The following EYS variants were observed in gnomAD, a reference collection of about 807,000 sequenced individuals.
The protein encoded by EYS is EGF-like photoreceptor maintenance factor.
Under a neutral mutation model 282.1 loss-of-function variants are expected in EYS, and 250 were observed. That is an observed-to-expected ratio of 0.89 (90% confidence interval 0.80 to 0.98). The LOEUF (loss-of-function observed/expected upper bound fraction) is 0.98. Ranked by LOEUF, EYS falls within the 50% of genes least tolerant of loss-of-function variation. EYS has a pLI of 0.00. For missense variants in EYS, 4,016 were observed against 3,709.0 expected, an observed-to-expected ratio of 1.08 and a Z score of -2.15; for synonymous variants, 1,355 against 1,282.9, an observed-to-expected ratio of 1.06 and a Z score of -1.20.
chr6:64,165,357 T>A (rs944498166), intron 31 of EYS, among the ~76,000 whole-genome samples: 1 of 152,094 alleles, frequency 6.6e-6, no homozygotes, highest in Non-Finnish European at 1.5e-5. Context: ...TCTATAATTT[T>A]AATAAGATTT....
intron 5 of EYS, among the ~76,000 whole-genome samples, chr6:65,479,338 T>C (rs546528318): frequency 1.3e-5 from 2 of 152,300 alleles, no homozygotes; most frequent in Non-Finnish European, 2.9e-5. Context: ...GACGAGTGGA[T>C]TCTAAGATTT....
rs1766657524 is a variant in EYS at position 65,506,455 on chromosome 6, CCTTTCTTTTTTTTTTT to C, written c.-332-10478_-332-10463del. ...CCTGAGGTTTACAATATCCTTCCTT[CCTTTCTTTTTTTTTTT>C]TTTTTTTTTTTTTTTTTTTTTTTTT... On this transcript the variant is annotated intron_variant, in intron 2 of 42. Coordinates refer to ENST00000503581, the MANE Select transcript of EYS (RefSeq NM_001142800.2). Among the ~76,000 whole-genome samples, 6 of 107,392 alleles carry C rather than the reference CCTTTCTTTTTTTTTTT, an allele frequency of 5.6e-5. 1 individual carries two copies. In the South Asian group the frequency reaches 1.7e-3, roughly 30 times the overall value. The allele number at this position is 107,392 out of a possible 152,430, so 70.5% of individuals were successfully genotyped here.
chr6:65,573,902 T>G (rs959736081), intron 2 of EYS, among the ~76,000 whole-genome samples: 1 of 152,142 alleles, frequency 6.6e-6, no homozygotes, highest in Non-Finnish European at 1.5e-5. Context: ...TGTAAGCCTC[T>G]ATGACCCAGG....
Position 65,434,535 on chromosome 6 carries a change from C to T in EYS, c.863-29168G>A, listed in dbSNP as rs551161889. Among the ~76,000 whole-genome samples the T allele has an allele frequency of 1.9e-3, 282 of 152,104 alleles. 2 individuals are homozygous for T. Among genetic ancestry groups the T allele is most frequent in the Admixed American group, 6.0e-3 (92 of 15,278 alleles). On this transcript the variant is annotated intron_variant, in intron 5 of 42. Coordinates refer to ENST00000503581, the MANE Select transcript of EYS (RefSeq NM_001142800.2). ...CGGGGTTTCACCATGTTAGCCAGGA[C>T]GGTTTCGATCTCCTCACCTTGTGAT... is the stretch of plus-strand genomic sequence containing the variant.
At chr6:65,422,070 A>T (rs1260753066) in intron 5 of EYS, among the ~76,000 whole-genome samples, 1 of 151,992 alleles carries the variant, frequency 6.6e-6, no homozygotes, top group African/African-American at 2.4e-5. Context: ...GGATTGCCAC[A>T]AACTTTCAAT....
intron 1 of EYS, among the ~76,000 whole-genome samples, chr6:65,647,594 A>G (rs1767496379): frequency 1.3e-5 from 2 of 152,212 alleles, no homozygotes; most frequent in Non-Finnish European, 2.9e-5. Context: ...ACCATTGCAG[A>G]CATTGGCTTT....
rs190771072 is a variant in EYS, at chr6:64,029,987, G to A, written c.6726-30804C>T. 2.0e-5 allele frequency among the ~76,000 whole-genome samples: 3 copies of A among 152,298 alleles called. No individual in the cohort carries two copies. The East Asian group carries it at 5.8e-4, about 29-fold the overall frequency. On this transcript the variant is annotated intron_variant, in intron 33 of 42. Coordinates refer to ENST00000503581, the MANE Select transcript of EYS (RefSeq NM_001142800.2). The stretch of plus-strand genomic sequence containing the variant: ...TGCACACAATGCAAAAACACAAGGA[G>A]GTGGCACTCTTACACTGCCAAAGCA...
intron 1 of EYS, among the ~76,000 whole-genome samples, chr6:65,685,072 C>T (rs924196561): frequency 1.5e-4 from 23 of 151,860 alleles, no homozygotes; most frequent in Middle Eastern, 3.2e-3. Context: ...TGTAGTCCAA[C>T]CTATAATAGG....
At position 63,720,796 on chromosome 6, in the gene EYS, G is replaced by A; in HGVS notation, c.9235C>T (p.Leu3079=). Residue 3079 remains leucine (L), a synonymous_variant, in exon 43 of 43, where the codon CTA becomes TTA. Transcript: ENST00000503581. ...AGATAACAAATGCCATCATAGTTTA[G>A]AGCCACAAAGTTTTTATGTGGATCA... is the stretch of plus-strand genomic sequence containing the variant. ...DIDPHKNFVA[L]NYDGICYLGG... The A allele has an allele frequency of 6.4e-7, 1 of 1,550,918 alleles. No individual in the cohort carries two copies. Among genetic ancestry groups the A allele is most frequent in the South Asian group, 1.2e-5 (1 of 84,028 alleles).
intron 22 of EYS, among the ~76,000 whole-genome samples, chr6:64,661,960 A>G (rs1236737246): frequency 1.3e-5 from 2 of 151,598 alleles, no homozygotes. Context: ...ACTATTCACA[A>G]TAGCAAAGAC....
chr6:64,152,767 A>G (rs2150295582), intron 31 of EYS, among the ~76,000 whole-genome samples: 1 of 152,342 alleles, frequency 6.6e-6, no homozygotes, highest in South Asian at 2.1e-4. Flanking sequence ...TTTTCACAAT[A>G]TCTTTGACTA....
chr6:64,317,361 T>C lies in EYS; in HGVS notation c.6079-10279A>G, dbSNP rs372508388. 4.8e-5 allele frequency among the ~76,000 whole-genome samples: 7 copies of C among 146,964 alleles called. No homozygotes were observed. The East Asian group carries it at 1.4e-3, about 29-fold the overall frequency. On this transcript the variant is annotated intron_variant, in intron 29 of 42. Coordinates refer to ENST00000503581, the MANE Select transcript of EYS (RefSeq NM_001142800.2). ...AAGAAAAAAAAAAAACATCAAAAAG[T>C]AGGCACAGGATATGAACAGACAATT...
Position 64,590,727 on chromosome 6 carries a change from T to G in EYS, c.5140A>C (p.Thr1714Pro), listed in dbSNP as rs201916371. The G allele has an allele frequency of 7.9e-5, 123 of 1,551,056 alleles. No individual in the cohort carries two copies. The Admixed American group carries it at 1.4e-3, about 18-fold the overall frequency. The stretch of plus-strand genomic sequence containing the variant: ...AAGCTCTCTTGATTTAGTACCTCAG[T>G]GGGTCCCATAGTTATGCCATATTGT... Reference protein sequence around the residue: ...IRQYGITMGPTEVLNQESLLD... With the variant: ...IRQYGITMGPPEVLNQESLLD... Residue 1714 changes from threonine (T) to proline (P), a missense_variant, in exon 26 of 43, where the codon ACT becomes CCT. Thr to Pro is a conservative substitution (Grantham distance 38, BLOSUM62 -1). Coordinates refer to ENST00000503581, the MANE Select transcript of EYS (RefSeq NM_001142800.2).
At chr6:64,356,253 G>A (rs980303257) in intron 29 of EYS, among the ~76,000 whole-genome samples, 1 of 151,274 alleles carries the variant, frequency 6.6e-6, no homozygotes, top group Admixed American at 6.6e-5. Flanking sequence ...TATTTATGGG[G>A]TGCATGAGAT....
At chr6:64,230,298 A>G (rs910165230) in intron 31 of EYS, among the ~76,000 whole-genome samples, 1 of 152,214 alleles carries the variant, frequency 6.6e-6, no homozygotes, top group Non-Finnish European at 1.5e-5. Flanking sequence ...AAGATTCACC[A>G]TAATTTTAGA....
chr6:65,586,289 A>G (rs1387680613), intron 2 of EYS, among the ~76,000 whole-genome samples: 1 of 152,094 alleles, frequency 6.6e-6, no homozygotes, highest in Non-Finnish European at 1.5e-5. Flanking sequence ...TTAATATGGT[A>G]ATATGCACTG....
chr6:65,566,218 G>A (rs1213710735), intron 2 of EYS, among the ~76,000 whole-genome samples: 1 of 152,018 alleles, frequency 6.6e-6, no homozygotes, highest in Admixed American at 6.6e-5. Flanking sequence ...GGTGGAGTTT[G>A]ACCTTCCACC....
intron 36 of EYS, among the ~76,000 whole-genome samples, chr6:63,808,211 C>A (rs1331762006): frequency 6.6e-6 from 1 of 152,108 alleles, no homozygotes; most frequent in Non-Finnish European, 1.5e-5. Context: ...GGTATAAGAA[C>A]TTTCAGGCAG....
intron 5 of EYS, among the ~76,000 whole-genome samples, chr6:65,422,821 T>C (rs1034848846): frequency 5.9e-5 from 9 of 151,460 alleles, no homozygotes; most frequent in African/African-American, 1.9e-4. Context: ...TATATATATA[T>C]ACATATATAC....
Sources: allele counts gnomAD v4.1 joint callset (sites outside exome capture counted in the v4.1 genomes callset), GRCh38; gene constraint gnomAD v4.1.1; transcripts MANE v1.5; gene names NCBI Gene and HGNC (gene_info 2026-07-23, HGNC 2026-07-21).